DOCK8: variants seen among roughly 807,000 people sequenced by gnomAD.
DOCK8 encodes the protein dedicator of cytokinesis protein 8.
In DOCK8, 141 loss-of-function variants were observed where a neutral mutation model predicts 245.6. The ratio of observed to expected loss-of-function variants is 0.57; its 90% CI spans 0.50 to 0.66. DOCK8 has a LOEUF of 0.66. Ranked by LOEUF, DOCK8 falls within the 30% of genes least tolerant of loss-of-function variation. DOCK8 has a pLI of 0.00. For synonymous variants in DOCK8, 1,168 were observed against 970.2 expected, an observed-to-expected ratio of 1.20 and a Z score of -3.79; for missense variants, 2,965 against 2,603.4, an observed-to-expected ratio of 1.14 and a Z score of -3.02.
At chr9:291,657 C>G (rs1002849149) in intron 4 of DOCK8, among the ~76,000 whole-genome samples, 1 of 151,826 alleles carries the variant, frequency 6.6e-6, no homozygotes, top group Non-Finnish European at 1.5e-5. Context: ...GCAAAAACAT[C>G]CTTCTCAGGA....
intron 30 of DOCK8, among the ~76,000 whole-genome samples, chr9:419,076 C>T (rs1197215978): frequency 6.6e-6 from 1 of 152,194 alleles, no homozygotes; most frequent in Non-Finnish European, 1.5e-5. Context: ...GGATTCATCT[C>T]TGTTCATTGA....
chr9:341,551 AC>A (rs1251429341), intron 14 of DOCK8, among the ~76,000 whole-genome samples: 2 of 152,274 alleles, frequency 1.3e-5, no homozygotes, highest in African/African-American at 4.8e-5. Context: ...CCAGTCACAG[AC>A]TTTTACCTCA....
chr9:335,285 G>C (rs566622566), intron 11 of DOCK8, among the ~76,000 whole-genome samples: 34 of 152,124 alleles, frequency 2.2e-4, no homozygotes, highest in East Asian at 1.2e-3. Context: ...TTTTCAAAAG[G>C]GTTGCAAATT....
At chr9:403,858 A>ATCTCTCTCTCTCTCTC (rs749646963) in intron 26 of DOCK8, among the ~76,000 whole-genome samples, 4 of 83,966 alleles carry the variant, frequency 4.8e-5, no homozygotes, top group African/African-American at 1.8e-4. Flanking sequence ...AAGACTCTGT[A>ATCTCTCTCTCTCTCTC]TCTCTCTCTC....
At chr9:366,019 A>G (rs1378419938) in intron 14 of DOCK8, 15 of 192,360 alleles carry the variant, frequency 7.8e-5, no homozygotes, top group Middle Eastern at 2.2e-3. Context: ...TAAGTCAGCC[A>G]GTGGCTGAGT....
At chr9:311,484 C>T (rs1025379704) in intron 5 of DOCK8, among the ~76,000 whole-genome samples, 4 of 151,360 alleles carry the variant, frequency 2.6e-5, no homozygotes, top group African/African-American at 9.7e-5. Flanking sequence ...AACTCCCGGC[C>T]TCAAGCAGTC....
intron 34 of DOCK8, among the ~76,000 whole-genome samples, chr9:427,601 A>G (rs1308589684): frequency 6.6e-6 from 1 of 152,212 alleles, no homozygotes; most frequent in Non-Finnish European, 1.5e-5. Flanking sequence ...ATTACCCTGA[A>G]AAATGAGTTC....
At chr9:447,708 G>T (rs12345245) in intron 44 of DOCK8, among the ~76,000 whole-genome samples, 2 of 152,114 alleles carry the variant, frequency 1.3e-5, no homozygotes, top group African/African-American at 2.4e-5. Context: ...AGTATAACAG[G>T]CATAATCAAG....
intron 1 of DOCK8, among the ~76,000 whole-genome samples, chr9:245,248 A>G (rs893256907): frequency 6.6e-6 from 1 of 152,136 alleles, no homozygotes; most frequent in African/African-American, 2.4e-5. Context: ...ACTGTCACCC[A>G]GGCTGGAGTG....
chr9:379,884 G>C lies in DOCK8; in HGVS notation c.2554G>C (p.Val852Leu), dbSNP rs199771908. ...GAGGAACTGCCTGCTGGCTTCCTAC[G>C]TGCACTACGTCTTCCGCCTGCCAGA... ...HGRNCLLASY[V>L]HYVFRLPEVQ... is the part of the protein sequence containing the mutation. Residue 852 changes from valine to leucine, a missense_variant, in exon 21 of 48, where the codon GTG becomes CTG. Transcript: ENST00000432829. 1.4e-4 allele frequency: 226 copies of C among 1,614,064 alleles called. No individual in the cohort carries two copies. Among genetic ancestry groups the C allele is most frequent in the Non-Finnish European group, 1.4e-5 (17 of 1,180,022 alleles).
Position 451,992 on chromosome 9 carries a change from T to A in DOCK8, c.5962-19T>A, listed in dbSNP as rs1337845787. The A allele has an allele frequency of 3.4e-5, 23 of 679,744 alleles. No homozygotes were observed. The South Asian group carries it at 3.9e-4, about 11-fold the overall frequency. 42.1% of individuals were successfully genotyped at this position (679,744 alleles called of 1,614,324 possible). A position where few individuals can be genotyped will look rare whatever the true frequency, so the allele number is the denominator to read the frequency against. On this transcript the variant is annotated intron_variant, in intron 45 of 47. Coordinates refer to ENST00000432829, the MANE Select transcript of DOCK8 (RefSeq NM_203447.4). ...ATATATATATATTTTTTTTTTTTTT[T>A]TTTTTTTTTTCCCACCAGGGACCAC... is the stretch of plus-strand genomic sequence containing the variant.
chr9:304,519 T>A, intron 4 of DOCK8, 62 bp from the exon 5 acceptor site: 1 of 1,606,140 alleles, frequency 6.2e-7, no homozygotes, highest in Non-Finnish European at 8.5e-7. Context: ...TTATTTTTAA[T>A]CTAATGGTTT....
At chr9:459,282 C>G (rs2057733001) in intron 46 of DOCK8, among the ~76,000 whole-genome samples, 2 of 151,848 alleles carry the variant, frequency 1.3e-5, no homozygotes, top group Non-Finnish European at 2.9e-5. Flanking sequence ...ATCAAATAAC[C>G]TAGAGAATAT....
intron 6 of DOCK8, chr9:312,763 C>A: frequency 3.1e-6 from 1 of 320,258 alleles, no homozygotes; most frequent in Non-Finnish European, 6.0e-6. Flanking sequence ...GCCTGAGGCA[C>A]TTTGGATGAA....
At chr9:249,845 C>T (rs1010537472) in intron 1 of DOCK8, among the ~76,000 whole-genome samples, 186 of 149,496 alleles carry the variant, frequency 1.2e-3, no homozygotes, top group Non-Finnish European at 2.3e-3. Flanking sequence ...TCAGGTTGGT[C>T]TCGAACTCCT....
intron 1 of DOCK8, among the ~76,000 whole-genome samples, chr9:240,799 T>A (rs1160678197): frequency 6.6e-6 from 1 of 152,114 alleles, no homozygotes; most frequent in Non-Finnish European, 1.5e-5. Context: ...TGGAAACAGA[T>A]CATCTGTAAG....
At chr9:365,777 T>C (rs2052960874) in intron 14 of DOCK8, 3 of 395,604 alleles carry the variant, frequency 7.6e-6, no homozygotes, top group Non-Finnish European at 1.5e-5. Context: ...TTAACAGACA[T>C]TAGCTCTGCT....
At chr9:451,833 C>T (rs1300487591) in intron 45 of DOCK8, among the ~76,000 whole-genome samples, 178 bp from the exon 46 acceptor site, 1 of 149,148 alleles carries the variant, frequency 6.7e-6, no homozygotes, top group East Asian at 2.0e-4. Context: ...ATTTAATTTC[C>T]TTCATATATG....
chr9:260,361 T>G (rs960257951), intron 1 of DOCK8, among the ~76,000 whole-genome samples: 3 of 152,216 alleles, frequency 2.0e-5, no homozygotes, highest in African/African-American at 7.2e-5. Flanking sequence ...AGCCCCTCAA[T>G]GCAAATGTTG....
Sources: gnomAD v4.1 joint callset for allele counts (sites outside exome capture counted in the v4.1 genomes callset) on GRCh38, gnomAD v4.1.1 for gene constraint, MANE v1.5 for transcripts, NCBI Gene and HGNC (gene_info 2026-07-23, HGNC 2026-07-21) for gene names.